RORA: variants seen among roughly 807,000 people sequenced by gnomAD.
RORA encodes the protein RAR related orphan receptor A.
A neutral mutation model predicts 69.5 loss-of-function variants in RORA; 7 were observed. The ratio of observed to expected loss-of-function variants is 0.10; its 90% CI spans 0.06 to 0.19. The LOEUF (loss-of-function observed/expected upper bound fraction) is 0.19, where lower values mean the gene tolerates loss of function less well. Among genes scored for constraint, RORA ranks in the 10% least tolerant of loss-of-function variants. RORA has a pLI of 1.00. For missense variants in RORA, 457 were observed against 663.0 expected (o/e 0.69, Z 3.41); for synonymous variants, 261 against 240.8 (o/e 1.08, Z -0.78).
intron 1 of RORA, among the ~76,000 whole-genome samples, chr15:60,719,525 C>T (rs1393236781): frequency 6.6e-6 from 1 of 152,110 alleles, no homozygotes. Context: ...CTGACTCTTG[C>T]CGTGAAATGC....
chr15:60,709,515 G>T (rs1268704379), intron 1 of RORA, among the ~76,000 whole-genome samples: 2 of 152,098 alleles, frequency 1.3e-5, no homozygotes, highest in African/African-American at 4.8e-5. Context: ...AGCCGAGGGT[G>T]AACCAGCATT....
At chr15:60,733,914 C>CAGAGAGAG (rs58672002) in intron 1 of RORA, among the ~76,000 whole-genome samples, 3,467 of 101,172 alleles carry the variant, frequency 0.034, 86 homozygotes, top group Middle Eastern at 0.073. Context: ...AGAATAGGGG[C>CAGAGAGAG]AGAGAGAGAG....
At chr15:60,947,362 C>T (rs567321161) in intron 1 of RORA, among the ~76,000 whole-genome samples, 1 of 152,258 alleles carries the variant, frequency 6.6e-6, no homozygotes, top group South Asian at 2.1e-4. Context: ...AATTCTTCTG[C>T]CTTGGGATGC....
At chr15:60,783,404 C>T (rs1198619562) in intron 1 of RORA, among the ~76,000 whole-genome samples, 1 of 151,908 alleles carries the variant, frequency 6.6e-6, no homozygotes, top group Non-Finnish European at 1.5e-5. Context: ...TTATTGTGTG[C>T]TACACAATGT....
At chr15:60,660,475 C>T (rs2070287377) in intron 2 of RORA, among the ~76,000 whole-genome samples, 1 of 152,158 alleles carries the variant, frequency 6.6e-6, no homozygotes, top group African/African-American at 2.4e-5. Context: ...ATTTCTTAGA[C>T]CGTGGAGCAG....
chr15:61,013,274 G>T (rs1413552264), intron 1 of RORA, among the ~76,000 whole-genome samples: 1 of 152,160 alleles, frequency 6.6e-6, no homozygotes, highest in Non-Finnish European at 1.5e-5. Flanking sequence ...AGTTTTATTG[G>T]ATCACAGTCA....
chr15:61,151,232 A>G (rs1393178579), intron 1 of RORA, among the ~76,000 whole-genome samples: 1 of 152,202 alleles, frequency 6.6e-6, no homozygotes, highest in East Asian at 1.9e-4. Flanking sequence ...GACACCAAAC[A>G]AACTCCAAGT....
At chr15:60,856,554 G>A (rs2073382794) in intron 1 of RORA, among the ~76,000 whole-genome samples, 2 of 149,640 alleles carry the variant, frequency 1.3e-5, no homozygotes, top group South Asian at 4.2e-4. Flanking sequence ...ACAAGACAAA[G>A]ATAAGTCATC....
chr15:60,735,052 T>C (rs148421418), intron 1 of RORA, among the ~76,000 whole-genome samples: 2 of 152,250 alleles, frequency 1.3e-5, no homozygotes, highest in East Asian at 3.9e-4. Context: ...CAAATCTCTG[T>C]GAAGTACAAA....
intron 1 of RORA, among the ~76,000 whole-genome samples, chr15:61,121,622 G>T (rs986583496): frequency 6.6e-6 from 1 of 152,088 alleles, no homozygotes; most frequent in East Asian, 1.9e-4. Flanking sequence ...AAGAAGAAAT[G>T]CCCTCCTAAC....
chr15:60,713,143 A>T (rs995649498), intron 1 of RORA, among the ~76,000 whole-genome samples: 2 of 152,298 alleles, frequency 1.3e-5, no homozygotes, highest in Non-Finnish European at 2.9e-5. Flanking sequence ...TATTAATATA[A>T]TCTTCTTCCA....
At position 60,717,251 on chromosome 15, in the gene RORA, T is replaced by C. The variant is rs74370098; in HGVS notation, c.167-38565A>G. On this transcript the variant is annotated intron_variant, in intron 1 of 10. Transcript: ENST00000335670. The stretch of plus-strand genomic sequence containing the variant: ...TTGATTATTGTTGTGGTGGTATGTA[T>C]GCAGAGGGAAAACTCAGTTTCTGAG... Among the ~76,000 whole-genome samples, 796 of 152,336 alleles carry C rather than the reference T, an allele frequency of 5.2e-3. 5 individuals carry two copies. Among genetic ancestry groups the C allele is most frequent in the African/African-American group, 0.014 (575 of 41,576 alleles).
chr15:60,512,813 A>C (rs1299238538), intron 4 of RORA, among the ~76,000 whole-genome samples: 2 of 152,224 alleles, frequency 1.3e-5, no homozygotes, highest in Non-Finnish European at 2.9e-5. Context: ...CAGAATATCA[A>C]ATGAATTCTT....
At chr15:60,544,599 C>G (rs926053876) in intron 2 of RORA, among the ~76,000 whole-genome samples, 1 of 152,040 alleles carries the variant, frequency 6.6e-6, no homozygotes, top group Non-Finnish European at 1.5e-5. Context: ...CATGCTAATA[C>G]GCTGTTGATG....
Position 60,511,660 on chromosome 15 carries a change from C to G in RORA, c.425-39G>C, listed in dbSNP as rs375833329. 3 of 1,545,248 alleles carry G rather than the reference C, an allele frequency of 1.9e-6. No individual in the cohort carries two copies. In the African/African-American group the frequency reaches 4.1e-5, roughly 21 times the overall value. ...GCCAAACCATACTACATACAATGCG[C>G]TTTTCTTCAATATTCTCTCCTGCGA... is the stretch of plus-strand genomic sequence containing the variant. On this transcript the variant is annotated intron_variant, in intron 4 of 10. Coordinates refer to ENST00000335670, the MANE Select transcript of RORA (RefSeq NM_134261.3). This position sits in a 1 kb window ranked among gnomAD's most constrained non-coding sequence, Gnocchi z 6.4.
intron 1 of RORA, among the ~76,000 whole-genome samples, chr15:61,133,108 G>T (rs1418968201): frequency 1.3e-5 from 2 of 151,876 alleles, no homozygotes; most frequent in African/African-American, 4.8e-5. Flanking sequence ...ACTAGAAAAG[G>T]TATAAAGGGA....
chr15:61,227,818 G>A (rs2080161850), intron 1 of RORA, among the ~76,000 whole-genome samples: 1 of 152,142 alleles, frequency 6.6e-6, no homozygotes, highest in Non-Finnish European at 1.5e-5. Context: ...CGCTTCCTCC[G>A]GAGTGACAGG....
intron 1 of RORA, among the ~76,000 whole-genome samples, chr15:60,974,422 AC>A (rs1301539253): frequency 6.6e-6 from 1 of 152,044 alleles, no homozygotes; most frequent in East Asian, 1.9e-4. Flanking sequence ...TTGCTGCCTC[AC>A]CCATTTCTCC....
intron 1 of RORA, among the ~76,000 whole-genome samples, chr15:61,195,408 T>C (rs2079838125): frequency 6.6e-6 from 1 of 151,648 alleles, no homozygotes; most frequent in Non-Finnish European, 1.5e-5. Context: ...CAAACCACAC[T>C]AGATACGGCA....
Sources: gnomAD v4.1 joint callset for allele counts (sites outside exome capture counted in the v4.1 genomes callset) on GRCh38, gnomAD v4.1.1 for gene constraint, Gnocchi (gnomAD v3.1) non-coding constraint, MANE v1.5 for transcripts, NCBI Gene and HGNC (gene_info 2026-07-23, HGNC 2026-07-21) for gene names.